Variants in RUNX2 observed in about 807,000 individuals in gnomAD.
RUNX2 encodes the protein RUNX family transcription factor 2, also known as runt-related transcription factor 2.
RUNX2 carries 10 observed loss-of-function variants against 51.7 expected under a neutral mutation model. That is an observed-to-expected ratio of 0.19 (90% confidence interval 0.12 to 0.33). The LOEUF is 0.33. Among genes scored for constraint, RUNX2 ranks in the 10% least tolerant of loss-of-function variants. The probability of loss-of-function intolerance (pLI) is 1.00; values close to 1 mark genes in which losing one functional copy is unlikely to be tolerated. For missense variants in RUNX2, 562 were observed against 691.3 expected (o/e 0.81, Z 2.10); for synonymous variants, 276 against 273.6 (o/e 1.01, Z -0.09).
At chr6:45,427,054 AAGAC>A (rs1254963949) in intron 3 of RUNX2, among the ~76,000 whole-genome samples, 1 of 152,208 alleles carries the variant, frequency 6.6e-6, no homozygotes, top group African/African-American at 2.4e-5. Context: ...AAGTTGTGTG[AAGAC>A]AGACACATTT....
Position 45,403,982 on chromosome 6 carries a change from G to A in RUNX2, c.59-18611G>A, listed in dbSNP as rs532674960. 1.8e-3 allele frequency among the ~76,000 whole-genome samples: 278 copies of A among 152,046 alleles called. 1 individual carries two copies. Among genetic ancestry groups the A allele is most frequent in the African/African-American group, 5.7e-3 (238 of 41,484 alleles). On this transcript the variant is annotated intron_variant, in intron 2 of 8. Transcript: ENST00000647337. Reference sequence around the variant, plus strand: ...ATTTAAAAAGATGAGGGAGTAGGCCGGGCGCAGTGGCTCATGCCTGTAATC... The same window carrying A: ...ATTTAAAAAGATGAGGGAGTAGGCCAGGCGCAGTGGCTCATGCCTGTAATC...
intron 2 of RUNX2, among the ~76,000 whole-genome samples, chr6:45,385,487 A>G (rs1001617161): frequency 2.6e-4 from 39 of 152,224 alleles, no homozygotes; most frequent in African/African-American, 9.4e-4. Flanking sequence ...GTTTCACCCA[A>G]AAGCATTTTC....
At position 45,498,444 on chromosome 6, in the gene RUNX2, G is replaced by A. The variant is rs370285644; in HGVS notation, c.859+6330G>A. 2.0e-5 allele frequency among the ~76,000 whole-genome samples: 3 copies of A among 152,220 alleles called. No individual in the cohort carries two copies. The East Asian group carries it at 5.8e-4, about 29-fold the overall frequency. ...AATCTAAGTGACATGTGTCCTGCAG[G>A]ACTAATTTCTTTTTCTTCTGTCCAT... On this transcript the variant is annotated intron_variant, in intron 6 of 8. Coordinates refer to ENST00000647337, the MANE Select transcript of RUNX2 (RefSeq NM_001024630.4).
At chr6:45,425,193 A>C (rs1002281649) in intron 3 of RUNX2, among the ~76,000 whole-genome samples, 1 of 152,170 alleles carries the variant, frequency 6.6e-6, no homozygotes, top group Non-Finnish European at 1.5e-5. Flanking sequence ...TGTTCCATAT[A>C]CCATTCTGCT....
At chr6:45,396,287 A>G (rs1053024030) in intron 2 of RUNX2, among the ~76,000 whole-genome samples, 3 of 152,312 alleles carry the variant, frequency 2.0e-5, no homozygotes, top group South Asian at 4.1e-4. Flanking sequence ...TCATATTTAC[A>G]TATCATGAAA....
intron 5 of RUNX2, among the ~76,000 whole-genome samples, chr6:45,464,217 A>G (rs926270389): frequency 1.3e-4 from 20 of 152,154 alleles, no homozygotes; most frequent in African/African-American, 4.3e-4. Context: ...TGTTTACAAC[A>G]TCAGAGACAG....
chr6:45,512,439 C>T, intron 7 of RUNX2, 32 bp downstream of exon 7: 4 of 1,612,416 alleles, frequency 2.5e-6, no homozygotes, highest in Non-Finnish European at 3.4e-6. Flanking sequence ...AAAATCCATC[C>T]CTGCACAGGG....
At chr6:45,414,356 C>A (rs1004130) in intron 2 of RUNX2, among the ~76,000 whole-genome samples, 2 of 152,054 alleles carry the variant, frequency 1.3e-5, no homozygotes, top group Admixed American at 1.3e-4. Context: ...CTAGACAGAA[C>A]GGTCCCTTTA....
intron 7 of RUNX2, among the ~76,000 whole-genome samples, chr6:45,522,442 AAAC>A (rs1801535067): frequency 6.6e-6 from 1 of 150,732 alleles, no homozygotes; most frequent in Non-Finnish European, 1.5e-5. Context: ...AATTAAAAAA[AAAC>A]AACAATCCCA....
At chr6:45,339,906 C>A (rs1269263263) in intron 2 of RUNX2, among the ~76,000 whole-genome samples, 3 of 152,034 alleles carry the variant, frequency 2.0e-5, no homozygotes, top group Admixed American at 2.0e-4. Flanking sequence ...CTATGCTAAG[C>A]CATTTATAAA....
intron 2 of RUNX2, among the ~76,000 whole-genome samples, chr6:45,415,398 T>C (rs1798047531): frequency 6.6e-6 from 1 of 152,174 alleles, no homozygotes; most frequent in South Asian, 2.1e-4. Flanking sequence ...TGCACAGCCT[T>C]GGCTCCCTGG....
At chr6:45,456,895 A>G (rs1799333658) in intron 5 of RUNX2, among the ~76,000 whole-genome samples, 1 of 152,228 alleles carries the variant, frequency 6.6e-6, no homozygotes, top group African/African-American at 2.4e-5. Flanking sequence ...AGGATCACAC[A>G]TCTGTGTTGA....
intron 2 of RUNX2, among the ~76,000 whole-genome samples, chr6:45,414,954 T>C (rs1798034905): frequency 6.6e-6 from 1 of 152,138 alleles, no homozygotes; most frequent in South Asian, 2.1e-4. Flanking sequence ...GCCATATCTA[T>C]ACTCTCTGTC....
At chr6:45,359,077 T>C (rs1290672644) in intron 2 of RUNX2, among the ~76,000 whole-genome samples, 2 of 152,176 alleles carry the variant, frequency 1.3e-5, no homozygotes, top group Non-Finnish European at 2.9e-5. Context: ...GACACTTTTT[T>C]CCCTGGTAAT....
intron 2 of RUNX2, among the ~76,000 whole-genome samples, chr6:45,411,235 A>G (rs1478672211): frequency 6.6e-6 from 1 of 152,218 alleles, no homozygotes; most frequent in Admixed American, 6.5e-5. Flanking sequence ...AATGAATTCA[A>G]ACTAATTTAT....
intron 2 of RUNX2, among the ~76,000 whole-genome samples, chr6:45,330,369 AG>A (rs1787220058): frequency 6.6e-6 from 1 of 152,016 alleles, no homozygotes; most frequent in Non-Finnish European, 1.5e-5. Flanking sequence ...AAAAGGAAAA[AG>A]AATAGTTAAA....
chr6:45,546,708 G>C, intron 8 of RUNX2, 119 bp from the exon 9 acceptor site: 2 of 863,196 alleles, frequency 2.3e-6, no homozygotes, highest in Non-Finnish European at 3.7e-6. Flanking sequence ...TCTGTCTGTG[G>C]CTTGCTGTTC....
intron 5 of RUNX2, among the ~76,000 whole-genome samples, chr6:45,444,547 T>G (rs982223043): frequency 1.3e-5 from 2 of 152,238 alleles, no homozygotes; most frequent in Non-Finnish European, 2.9e-5. Flanking sequence ...TATAGGGTAC[T>G]GTTGGTATTT....
chr6:45,403,465 TC>T (rs1797764268), intron 2 of RUNX2, among the ~76,000 whole-genome samples: 1 of 152,096 alleles, frequency 6.6e-6, no homozygotes, highest in South Asian at 2.1e-4. Context: ...ACTCCTGACT[TC>T]AGGTGATCCG....
Sources: allele counts gnomAD v4.1 joint callset (sites outside exome capture counted in the v4.1 genomes callset), GRCh38; gene constraint gnomAD v4.1.1; transcripts MANE v1.5; gene names NCBI Gene and HGNC (gene_info 2026-07-23, HGNC 2026-07-21).